The following MED27 variants were observed in gnomAD, a reference collection of about 807,000 sequenced individuals.
MED27 encodes the protein mediator of RNA polymerase II transcription subunit 27.
A neutral mutation model predicts 38.2 loss-of-function variants in MED27; 30 were observed. The observed-to-expected ratio is 0.79, with a 90% CI of 0.59 to 1.07. The LOEUF (loss-of-function observed/expected upper bound fraction) is 1.07, where lower values mean the gene tolerates loss of function less well. Among genes scored for constraint, MED27 ranks in the 50% least tolerant of loss-of-function variants. MED27 has a pLI of 0.00. For synonymous variants in MED27, 122 were observed against 153.5 expected, an observed-to-expected ratio of 0.79 and a Z score of 1.52; for missense variants, 289 against 397.5, an observed-to-expected ratio of 0.73 and a Z score of 2.32.
At chr9:132,061,495 T>C (rs1448705304) in intron 2 of MED27, among the ~76,000 whole-genome samples, 12 of 152,394 alleles carry the variant, frequency 7.9e-5, no homozygotes, top group Non-Finnish European at 1.8e-4. Context: ...GAATGGTCTA[T>C]AATAAACTTT....
intron 3 of MED27, 111 bp downstream of exon 3, chr9:132,014,226 A>AAGGG (rs1832553263): frequency 8.2e-7 from 1 of 1,224,840 alleles, no homozygotes; most frequent in Non-Finnish European, 1.1e-6. Context: ...CAAAAAAAGG[A>AAGGG]AGGGAGGGAG....
Position 131,893,876 on chromosome 9 carries a change from A to T in MED27, c.681+9T>A, listed in dbSNP as rs376821618. ...AACCAAGGAACACACAAGACTGCACAATGCTTACCTTGCCATCTTCTGTGT... is the reference window on the plus strand; with the variant it reads ...AACCAAGGAACACACAAGACTGCACTATGCTTACCTTGCCATCTTCTGTGT... On this transcript the variant is annotated intron_variant, in intron 5 of 7. Transcript: ENST00000292035. 6.2e-7 allele frequency: 1 copy of T among 1,604,222 alleles called. No homozygotes were observed.
rs61624043 is a variant in MED27 at position 131,881,800 on chromosome 9, C to CTTTTTTTTTTTTTTTTTTTTT, written c.723+2237_723+2257dup. On this transcript the variant is annotated intron_variant, in intron 6 of 7. Transcript: ENST00000292035. ...CCTCCCTCCCTTCCTTCTTCTTCTT[C>CTTTTTTTTTTTTTTTTTTTTT]TTTTTTTTTTTTTTTTTTTTTTTTG... 5.9e-4 allele frequency among the ~76,000 whole-genome samples: 36 copies of CTTTTTTTTTTTTTTTTTTTTT among 60,974 alleles called. 5 individuals carry two copies. The highest frequency in any genetic ancestry group is 8.8e-4 in the Non-Finnish European group (29 of 33,138). The allele number at this position is 60,974 out of a possible 152,430, so 40.0% of individuals were successfully genotyped here. A position where few individuals can be genotyped will look rare whatever the true frequency, so the allele number is the denominator to read the frequency against.
intron 3 of MED27, among the ~76,000 whole-genome samples, chr9:131,969,041 G>A (rs983960489): frequency 2.0e-5 from 3 of 152,004 alleles, no homozygotes; most frequent in Non-Finnish European, 2.9e-5. Flanking sequence ...ATAAGCTCAG[G>A]GCTCCCATTA....
chr9:131,976,330 CA>C (rs957634782), intron 3 of MED27, among the ~76,000 whole-genome samples: 1 of 152,202 alleles, frequency 6.6e-6, no homozygotes, highest in Non-Finnish European at 1.5e-5. Flanking sequence ...CATACCCCAG[CA>C]AAATGCTGCA....
chr9:132,020,290 A>T (rs1219474299), intron 2 of MED27, among the ~76,000 whole-genome samples: 3 of 152,198 alleles, frequency 2.0e-5, no homozygotes, highest in Admixed American at 2.0e-4. Flanking sequence ...TAGATCACTG[A>T]CCAAAACAGC....
At chr9:131,920,511 G>A (rs1352047006) in intron 4 of MED27, among the ~76,000 whole-genome samples, 1 of 152,176 alleles carries the variant, frequency 6.6e-6, no homozygotes, top group East Asian at 1.9e-4. Context: ...ATGAACAAAA[G>A]AGACAAACAT....
chr9:132,029,932 T>C (rs1178060480), intron 2 of MED27, among the ~76,000 whole-genome samples: 2 of 151,996 alleles, frequency 1.3e-5, no homozygotes, highest in Admixed American at 1.3e-4. Context: ...ATACAGGCTA[T>C]GGTATGTGAA....
Position 131,982,377 on chromosome 9 carries a change from CA to C in MED27, c.479+31959del, listed in dbSNP as rs1481500703. ...GAGAATCAGCTCCCAACCAACCACA[CA>C]ACTGAATACAACTCCCTGAATGATC... On this transcript the variant is annotated intron_variant, in intron 3 of 7. Transcript: ENST00000292035. The surrounding 1 kb of genome is among the most constrained non-coding windows in gnomAD (Gnocchi z 4.3). 6.6e-6 allele frequency among the ~76,000 whole-genome samples: 1 copy of C among 152,202 alleles called. No individual in the cohort carries two copies. Among genetic ancestry groups the C allele is most frequent in the Non-Finnish European group, 1.5e-5 (1 of 68,044 alleles).
At chr9:131,939,519 A>G in intron 3 of MED27, 45 bp from the exon 4 acceptor site, 1 of 1,249,006 alleles carries the variant, frequency 8.0e-7, no homozygotes, top group Non-Finnish European at 1.1e-6. Context: ...AACTCCAGTT[A>G]AGAGCTACAG....
chr9:131,913,915 T>C lies in MED27; in HGVS notation c.574-19923A>G, dbSNP rs919214110. ...GGCACAACCAAAACTCAAACTTTAA[T>C]TCCTCTAGCGCTTGCTTGTACCGCT... On this transcript the variant is annotated intron_variant, in intron 4 of 7. Transcript: ENST00000292035. The surrounding 1 kb of genome is among the most constrained non-coding windows in gnomAD (Gnocchi z 4.5). Among the ~76,000 whole-genome samples the C allele has an allele frequency of 6.6e-6, 1 of 151,494 alleles. No homozygotes were observed. Among genetic ancestry groups the C allele is most frequent in the Non-Finnish European group, 1.5e-5 (1 of 67,924 alleles).
intron 2 of MED27, among the ~76,000 whole-genome samples, chr9:132,068,382 G>C (rs1319995547): frequency 2.0e-5 from 3 of 152,162 alleles, no homozygotes; most frequent in Non-Finnish European, 2.9e-5. Flanking sequence ...GAGAGAGAGG[G>C]AGGAAATCAC....
In MED27 at chr9:131,921,692, TA is replaced by T. The variant is rs577253890; in HGVS notation, c.573+17688del. Among the ~76,000 whole-genome samples the T allele has an allele frequency of 3.9e-3, 593 of 152,318 alleles. 5 individuals carry two copies. Among genetic ancestry groups the T allele is most frequent in the African/African-American group, 0.013 (554 of 41,556 alleles). On this transcript the variant is annotated intron_variant, in intron 4 of 7. Transcript: ENST00000292035. ...ATTACTGGGCATATACCCAAAGGAT[TA>T]TAAATCATGCAGCTATAAAGACACA...
At chr9:131,965,941 T>C (rs1831330105) in intron 3 of MED27, among the ~76,000 whole-genome samples, 1 of 151,220 alleles carries the variant, frequency 6.6e-6, no homozygotes, top group Non-Finnish European at 1.5e-5. Context: ...AACGCACCAT[T>C]GGAAAGTAAC....
rs1468094595 is a variant in MED27 at position 131,908,781 on chromosome 9, T to C, written c.574-14789A>G. Among the ~76,000 whole-genome samples the C allele has an allele frequency of 2.0e-5, 3 of 152,110 alleles. 1 individual carries two copies. The highest frequency in any genetic ancestry group is 6.8e-3 in the Middle Eastern group (2 of 294). On this transcript the variant is annotated intron_variant, in intron 4 of 7. Transcript: ENST00000292035. ...CTCTGCCTAGGAAAACCAGAGACCT[T>C]TGTTCACTTGTTTATCTGCTGACCT...
At chr9:131,961,944 A>G (rs540271180) in intron 3 of MED27, among the ~76,000 whole-genome samples, 3 of 152,336 alleles carry the variant, frequency 2.0e-5, no homozygotes, top group Admixed American at 2.0e-4. Context: ...TATAATGATA[A>G]TCTCCAAAGG....
intron 5 of MED27, among the ~76,000 whole-genome samples, chr9:131,892,032 G>A (rs1026282995): frequency 6.6e-6 from 1 of 152,010 alleles, no homozygotes; most frequent in Non-Finnish European, 1.5e-5. Context: ...GAGATGATGA[G>A]TTTTGTTTTA....
At chr9:132,071,931 T>G (rs985242927) in intron 2 of MED27, among the ~76,000 whole-genome samples, 1 of 151,476 alleles carries the variant, frequency 6.6e-6, no homozygotes, top group Non-Finnish European at 1.5e-5. Context: ...ACCCCATAAA[T>G]GAGTACAGAG....
At chr9:131,930,795 AACTTTTCAAGAT>A (rs1187618074) in intron 4 of MED27, among the ~76,000 whole-genome samples, 1 of 152,248 alleles carries the variant, frequency 6.6e-6, no homozygotes, top group Non-Finnish European at 1.5e-5. Context: ...CAAAAATAAT[AACTTTTCAAGAT>A]ATAGGTAGTA....
Sources: allele counts gnomAD v4.1 joint callset (sites outside exome capture counted in the v4.1 genomes callset), GRCh38; gene constraint gnomAD v4.1.1; non-coding constraint Gnocchi (gnomAD v3.1); transcripts MANE v1.5; gene names NCBI Gene and HGNC (gene_info 2026-07-23, HGNC 2026-07-21).